Variants in GABRB3 observed in about 807,000 individuals in gnomAD.
The protein encoded by GABRB3 is gamma-aminobutyric acid receptor subunit beta-3.
Under a neutral mutation model 52.1 loss-of-function variants are expected in GABRB3, and 14 were observed. That is an observed-to-expected ratio of 0.27 (90% confidence interval 0.18 to 0.42). GABRB3 has a LOEUF of 0.42. Among genes scored for constraint, GABRB3 ranks in the 10% least tolerant of loss-of-function variants. The pLI, the probability that GABRB3 is intolerant of heterozygous loss-of-function variation, is 1.00. For missense variants in GABRB3, 307 were observed against 609.1 expected, an observed-to-expected ratio of 0.50 and a Z score of 5.22; for synonymous variants, 260 against 232.3, an observed-to-expected ratio of 1.12 and a Z score of -1.08.
chr15:26,601,851 AGAG>A (rs776287033), intron 4 of GABRB3, among the ~76,000 whole-genome samples: 1 of 152,188 alleles, frequency 6.6e-6, no homozygotes, highest in Non-Finnish European at 1.5e-5. Flanking sequence ...GAAAGAAGGA[AGAG>A]AAGACTCCAA....
intron 2 of GABRB3, 51 bp downstream of exon 2, chr15:26,772,630 G>A (rs1248446879): frequency 1.3e-6 from 2 of 1,485,790 alleles, no homozygotes; most frequent in Admixed American, 2.2e-5. Context: ...CGCCCAGGCC[G>A]CCGCCGCCGT....
chr15:26,674,784 T>C lies in GABRB3; in HGVS notation c.241-53250A>G, dbSNP rs111490189. Among the ~76,000 whole-genome samples the C allele has an allele frequency of 4.8e-3, 733 of 152,180 alleles. 11 individuals are homozygous for C. Among genetic ancestry groups the C allele is most frequent in the African/African-American group, 0.017 (697 of 41,506 alleles). On this transcript the variant is annotated intron_variant, in intron 3 of 8. Coordinates refer to ENST00000311550, the MANE Select transcript of GABRB3 (RefSeq NM_000814.6). Reference sequence around the variant, plus strand: ...ACCAGGAAGAGTGGCTGCAAAATTATGGGAAAGGATTTCAACAGAAATCCT... The same window carrying C: ...ACCAGGAAGAGTGGCTGCAAAATTACGGGAAAGGATTTCAACAGAAATCCT...
intron 3 of GABRB3, among the ~76,000 whole-genome samples, chr15:26,733,638 A>G (rs1420347486): frequency 6.6e-6 from 1 of 152,248 alleles, no homozygotes; most frequent in African/African-American, 2.4e-5. Context: ...AAGGCCCATC[A>G]TAAAATTCAT....
chr15:26,586,397 A>ACACACACACACACACACACACAC (rs149254517), intron 4 of GABRB3, among the ~76,000 whole-genome samples: 1 of 138,012 alleles, frequency 7.2e-6, no homozygotes. Context: ...AACCACCCCT[A>ACACACACACACACACACACACAC]ACACACACAC....
chr15:26,630,153 C>T (rs991494774), intron 3 of GABRB3, among the ~76,000 whole-genome samples: 1 of 152,160 alleles, frequency 6.6e-6, no homozygotes, highest in Non-Finnish European at 1.5e-5. Flanking sequence ...GCCAGGCTCC[C>T]GGAGGTGAGG....
intron 3 of GABRB3, among the ~76,000 whole-genome samples, chr15:26,649,658 CTG>C (rs57833685): frequency 0.032 from 4,167 of 130,088 alleles, 116 homozygotes; most frequent in African/African-American, 0.073. Context: ...AGAGCCAAGG[CTG>C]TGTGTGTGTG....
intron 3 of GABRB3, among the ~76,000 whole-genome samples, chr15:26,676,638 A>G (rs1241285549): frequency 6.6e-6 from 1 of 152,216 alleles, no homozygotes; most frequent in African/African-American, 2.4e-5. Context: ...TTGCTATCTT[A>G]GATTTCAGTT....
At chr15:26,759,665 C>G (rs542799635) in intron 3 of GABRB3, among the ~76,000 whole-genome samples, 3 of 152,198 alleles carry the variant, frequency 2.0e-5, no homozygotes, top group African/African-American at 4.8e-5. Context: ...GCACTGCAGA[C>G]GATACTGACC....
chr15:26,708,818 C>A (rs151318829), intron 3 of GABRB3, among the ~76,000 whole-genome samples: 165 of 152,266 alleles, frequency 1.1e-3, no homozygotes, highest in African/African-American at 3.8e-3. Flanking sequence ...GTATATAAAA[C>A]CAGCTTTTCC....
chr15:26,737,746 T>A (rs373672065), intron 3 of GABRB3, among the ~76,000 whole-genome samples: 1 of 152,164 alleles, frequency 6.6e-6, no homozygotes, highest in South Asian at 2.1e-4. Context: ...CCAGTTCTTA[T>A]ATATACACAC....
At position 26,543,748 on chromosome 15, in the gene GABRB3, T is replaced by C. The variant is rs1191229426; in HGVS notation, c.*4045A>G. On this transcript the variant is annotated 3_prime_UTR_variant, in exon 9 of 9. Coordinates refer to ENST00000311550, the MANE Select transcript of GABRB3 (RefSeq NM_000814.6). ...AGAATTGATTATGACAGCAATCGCC[T>C]ATTCCTACTAGAATAATCCTGTACT... 2 of 152,648 alleles carry C rather than the reference T, an allele frequency of 1.3e-5. No homozygotes were observed. The allele number at this position is 152,648 out of a possible 1,614,324, so 9.5% of individuals were successfully genotyped here.
At chr15:26,649,634 G>A (rs577941253) in intron 3 of GABRB3, among the ~76,000 whole-genome samples, 3 of 142,314 alleles carry the variant, frequency 2.1e-5, no homozygotes, top group East Asian at 2.0e-4. Context: ...TGAGCCCATA[G>A]AAGAAAGCAG....
intron 8 of GABRB3, among the ~76,000 whole-genome samples, chr15:26,555,062 T>C (rs1191004373): frequency 6.6e-6 from 1 of 152,124 alleles, no homozygotes; most frequent in East Asian, 1.9e-4. Context: ...CAGGTGCCTG[T>C]AGTCCCAGTT....
At chr15:26,595,579 T>C (rs2140768325) in intron 4 of GABRB3, among the ~76,000 whole-genome samples, 1 of 152,296 alleles carries the variant, frequency 6.6e-6, no homozygotes, top group Middle Eastern at 3.4e-3. Flanking sequence ...TGTTTTATTT[T>C]GATGTTTTTG....
At chr15:26,585,324 T>C (rs992483308) in intron 4 of GABRB3, among the ~76,000 whole-genome samples, 1 of 152,222 alleles carries the variant, frequency 6.6e-6, no homozygotes, top group African/African-American at 2.4e-5. Context: ...AAGCCCAGTG[T>C]TGAGCTTTTT....
chr15:26,684,153 G>A (rs1369778110), intron 3 of GABRB3, among the ~76,000 whole-genome samples: 2 of 152,058 alleles, frequency 1.3e-5, no homozygotes, highest in Non-Finnish European at 2.9e-5. Context: ...AGGAAGTGGG[G>A]GTGAGGAATA....
chr15:26,686,061 G>T (rs1021121614), intron 3 of GABRB3, among the ~76,000 whole-genome samples: 4 of 151,888 alleles, frequency 2.6e-5, no homozygotes, highest in African/African-American at 4.8e-5. Flanking sequence ...TCTTCCTTCA[G>T]CCTCCTGAGT....
intron 3 of GABRB3, among the ~76,000 whole-genome samples, chr15:26,735,508 A>C (rs1254955800): frequency 6.6e-6 from 1 of 152,236 alleles, no homozygotes; most frequent in Non-Finnish European, 1.5e-5. Flanking sequence ...TAAAATGTAG[A>C]AGTGACCCAG....
chr15:26,600,134 A>G (rs943647021), intron 4 of GABRB3, among the ~76,000 whole-genome samples: 3 of 152,050 alleles, frequency 2.0e-5, no homozygotes, highest in African/African-American at 7.2e-5. Context: ...GACTGTACCA[A>G]GCAGAAGAAA....
Sources: gnomAD v4.1 joint callset for allele counts (sites outside exome capture counted in the v4.1 genomes callset) on GRCh38, gnomAD v4.1.1 for gene constraint, MANE v1.5 for transcripts, NCBI Gene and HGNC (gene_info 2026-07-23, HGNC 2026-07-21) for gene names.